VWDE: variants seen among roughly 807,000 people sequenced by gnomAD.
VWDE encodes von Willebrand factor D and EGF domains.
In VWDE, 207 loss-of-function variants were observed where a neutral mutation model predicts 178.4. The ratio of observed to expected loss-of-function variants is 1.16; its 90% CI spans 1.04 to 1.30. The LOEUF (loss-of-function observed/expected upper bound fraction) is 1.30. Among genes scored for constraint, VWDE ranks in the 50% most tolerant of loss-of-function variants. The pLI, the probability that VWDE is intolerant of heterozygous loss-of-function variation, is 0.00. For missense variants in VWDE, 2,287 were observed against 1,901.3 expected (o/e 1.20, Z -3.77); for synonymous variants, 738 against 651.4 (o/e 1.13, Z -2.02).
chr7:12,375,327 TCTCAAA>T, intron 7 of VWDE, 100 bp from the exon 8 acceptor site: 1 of 985,816 alleles, frequency 1.0e-6, no homozygotes, highest in East Asian at 2.6e-5. Flanking sequence ...GTAAGATTAT[TCTCAAA>T]TTATTTTCTC....
intron 18 of VWDE, among the ~76,000 whole-genome samples, chr7:12,353,064 A>C (rs562394601): frequency 1.3e-5 from 2 of 152,150 alleles, no homozygotes; most frequent in African/African-American, 4.8e-5. Context: ...CTCCAAAAAA[A>C]CTTGTTCTTC....
At position 12,395,288 on chromosome 7, in the gene VWDE, T is replaced by A. The variant is rs190938922; in HGVS notation, c.59-1510A>T. On this transcript the variant is annotated intron_variant, in intron 1 of 28. Coordinates refer to ENST00000275358, the MANE Select transcript of VWDE (RefSeq NM_001135924.3). Reference sequence around the variant, plus strand: ...TCTAATATCCTTCAAAACAAGGACATTGCACCTGGTTAGAATCTTTTAAAA... The same window carrying A: ...TCTAATATCCTTCAAAACAAGGACAATGCACCTGGTTAGAATCTTTTAAAA... Among the ~76,000 whole-genome samples, 133 of 152,272 alleles carry A rather than the reference T, an allele frequency of 8.7e-4. 1 individual carries two copies. Among genetic ancestry groups the A allele is most frequent in the Non-Finnish European group, 1.8e-4 (12 of 67,984 alleles).
At chr7:12,381,224 G>A (rs1426398792) in intron 4 of VWDE, among the ~76,000 whole-genome samples, 2 of 152,108 alleles carry the variant, frequency 1.3e-5, no homozygotes, top group Non-Finnish European at 2.9e-5. Flanking sequence ...TACTATCTTA[G>A]TGAAATATCT....
intron 1 of VWDE, among the ~76,000 whole-genome samples, chr7:12,401,342 C>T (rs1784884929): frequency 6.6e-6 from 1 of 152,126 alleles, no homozygotes; most frequent in South Asian, 2.1e-4. Context: ...CCCTCAGTAT[C>T]CACAGGGGAT....
At chr7:12,378,795 G>A (rs183653323) in intron 6 of VWDE, among the ~76,000 whole-genome samples, 2 of 152,096 alleles carry the variant, frequency 1.3e-5, no homozygotes, top group African/African-American at 4.8e-5. Context: ...TCATAAACAG[G>A]GTTTATCCTG....
chr7:12,403,673 A>G lies in VWDE; in HGVS notation c.44T>C (p.Leu15Pro). Residue 15 changes from leucine to proline, a missense_variant, in exon 1 of 29, where the codon CTG (leucine) becomes CCG (proline). Physicochemically the swap from Leu to Pro is moderately conservative, Grantham distance 98 (BLOSUM62 -3). Transcript: ENST00000275358. ...ACCTCGCTTACCTTCCCCCCAGGCC[A>G]GGAACATCAGCGCGATCACCAGCAC... is the stretch of plus-strand genomic sequence containing the variant. Reference protein sequence around the residue: ...ACVLVIALMFLAWGEAQECSP... With the variant: ...ACVLVIALMFPAWGEAQECSP... 1.3e-6 allele frequency: 2 copies of G among 1,546,504 alleles called. No homozygotes were observed. The highest frequency in any genetic ancestry group is 2.4e-5 in the South Asian group (2 of 84,004).
chr7:12,390,557 A>G (rs1008378156), intron 2 of VWDE, among the ~76,000 whole-genome samples: 1 of 151,742 alleles, frequency 6.6e-6, no homozygotes, highest in Non-Finnish European at 1.5e-5. Context: ...TATAATTTTT[A>G]AAATATAAAA....
intron 28 of VWDE, 36 bp downstream of exon 28, chr7:12,333,429 G>A: frequency 3.1e-6 from 4 of 1,286,948 alleles, no homozygotes; most frequent in Non-Finnish European, 3.3e-6. Flanking sequence ...AAATGTCAAT[G>A]TCTAATATTT....
At chr7:12,332,497 T>C (rs540426189) in intron 28 of VWDE, among the ~76,000 whole-genome samples, 2 of 152,256 alleles carry the variant, frequency 1.3e-5, no homozygotes, top group African/African-American at 4.8e-5. Flanking sequence ...AAAGTGGAGT[T>C]AAAAAGCTTT....
At chr7:12,342,353 TAGAG>T (rs1004041274) in intron 22 of VWDE, among the ~76,000 whole-genome samples, 199 bp from the exon 23 acceptor site, 18 of 152,124 alleles carry the variant, frequency 1.2e-4, no homozygotes, top group African/African-American at 3.9e-4. Flanking sequence ...TTTTGGTTAA[TAGAG>T]AGGGAAAAAA....
chr7:12,390,921 A>G (rs1784354738), intron 2 of VWDE, among the ~76,000 whole-genome samples: 1 of 152,192 alleles, frequency 6.6e-6, no homozygotes, highest in Non-Finnish European at 1.5e-5. Context: ...AATTAAAACA[A>G]TAATTACATG....
intron 16 of VWDE, 131 bp from the exon 17 acceptor site, chr7:12,357,646 AT>A (rs375444841): frequency 0.04 from 30,488 of 766,346 alleles, 260 homozygotes; most frequent in African/African-American, 0.11. Flanking sequence ...AGCTGCTTTC[AT>A]TTTTTTTTTT....
intron 2 of VWDE, 101 bp from the exon 3 acceptor site, chr7:12,389,459 A>G: frequency 1.2e-6 from 1 of 830,130 alleles, no homozygotes; most frequent in Non-Finnish European, 1.9e-6. Context: ...TTAAAATATC[A>G]TTAATCATTA....
intron 18 of VWDE, chr7:12,354,500 T>C (rs1443380436): frequency 2.8e-6 from 1 of 360,886 alleles, no homozygotes. Context: ...GTATAAAATA[T>C]AGATCAAGAG....
At position 12,369,944 on chromosome 7, in the gene VWDE, G is replaced by A; in HGVS notation, c.2362C>T (p.Gln788Ter). ...GGCCAAGAGGGGAAAAACTCTTGCTGTACATCCTCAGCATGGTCCTCTGGG... is the reference window on the plus strand; with the variant it reads ...GGCCAAGAGGGGAAAAACTCTTGCTATACATCCTCAGCATGGTCCTCTGGG... Reference protein sequence around the residue: ...FFPEDHAEDVQQEFFPSWPTP... With the variant: ...FFPEDHAEDV Residue 788 changes from glutamine (Q) to a stop codon, truncating the protein, a stop_gained, in exon 12 of 29, where the codon CAG becomes TAG. Coordinates refer to ENST00000275358, the MANE Select transcript of VWDE (RefSeq NM_001135924.3). LOFTEE classifies it high-confidence loss of function. The A allele has an allele frequency of 6.4e-7, 1 of 1,551,456 alleles. No individual in the cohort carries two copies.
At chr7:12,399,774 G>A (rs994339971) in intron 1 of VWDE, among the ~76,000 whole-genome samples, 2 of 152,016 alleles carry the variant, frequency 1.3e-5, no homozygotes, top group African/African-American at 2.4e-5. Flanking sequence ...TTAAGCCCAG[G>A]AGTTCAAATC....
intron 19 of VWDE, among the ~76,000 whole-genome samples, chr7:12,349,202 T>C (rs1781789032): frequency 6.6e-6 from 1 of 151,258 alleles, no homozygotes; most frequent in African/African-American, 2.4e-5. Flanking sequence ...ATTGTGCACA[T>C]GTACCCTAAA....
intron 1 of VWDE, among the ~76,000 whole-genome samples, chr7:12,401,439 A>C (rs947417765): frequency 6.6e-6 from 1 of 152,168 alleles, no homozygotes; most frequent in Non-Finnish European, 1.5e-5. Flanking sequence ...CAAATAACTT[A>C]TACAACTCAA....
chr7:12,338,092 TA>T (rs2128545295), intron 24 of VWDE, among the ~76,000 whole-genome samples: 1 of 152,170 alleles, frequency 6.6e-6, no homozygotes, highest in Admixed American at 6.5e-5. Context: ...ATAACAGGAC[TA>T]GTGTGGACTG....
Sources: allele counts gnomAD v4.1 joint callset (sites outside exome capture counted in the v4.1 genomes callset), GRCh38; gene constraint gnomAD v4.1.1; transcripts MANE v1.5; gene names NCBI Gene and HGNC (gene_info 2026-07-23, HGNC 2026-07-21).